PKP4: variants seen among roughly 807,000 people sequenced by gnomAD.
PKP4 encodes plakophilin-4.
PKP4 carries 90 observed loss-of-function variants against 145.1 expected under a neutral mutation model. The ratio of observed to expected loss-of-function variants is 0.62; its 90% CI spans 0.52 to 0.74. The LOEUF (loss-of-function observed/expected upper bound fraction) is 0.74. PKP4 is among the 30% of genes least tolerant of loss of function. The pLI, the probability that PKP4 is intolerant of heterozygous loss-of-function variation, is 0.00. For missense variants in PKP4, 1,340 were observed against 1,482.7 expected (o/e 0.90, Z 1.58); for synonymous variants, 563 against 577.2 (o/e 0.98, Z 0.35).
intron 1 of PKP4, among the ~76,000 whole-genome samples, chr2:158,482,313 CCCTT>C (rs1344985060): frequency 3.3e-5 from 5 of 152,216 alleles, no homozygotes; most frequent in African/African-American, 9.6e-5. Context: ...TCCATTCTTT[CCCTT>C]CCTTCCTTCC....
intron 1 of PKP4, among the ~76,000 whole-genome samples, chr2:158,492,285 CT>C (rs1183800395): frequency 3.9e-5 from 6 of 152,172 alleles, no homozygotes; most frequent in South Asian, 4.1e-4. Context: ...CACCTTCCCC[CT>C]GTTCAGATAT....
chr2:158,621,572 C>T, intron 6 of PKP4, 151 bp downstream of exon 6: 1 of 611,494 alleles, frequency 1.6e-6, no homozygotes, highest in Non-Finnish European at 2.9e-6. Flanking sequence ...ATGGCGAAAC[C>T]CCGTCTCTAC....
In PKP4 at chr2:158,631,958, T is replaced by C. The variant is rs368755486; in HGVS notation, c.1342+17T>C. ...CAGGTTCAGGTGGGCATCAACTCTG[T>C]TTACTGGTTTCCTGATTTCATAGGC... On this transcript the variant is annotated intron_variant, in intron 8 of 21. Transcript: ENST00000389759. The C allele has an allele frequency of 1.2e-6, 2 of 1,610,206 alleles. No individual in the cohort carries two copies. The highest frequency in any genetic ancestry group is 2.7e-5 in the African/African-American group (2 of 74,806).
At position 158,631,758 on chromosome 2, in the gene PKP4, C is replaced by T. The variant is rs201082265; in HGVS notation, c.1159C>T (p.Arg387Trp). ...TGTAATTTTTGTGCCTCTAGGCTTA[C>T]GGAGTTCCTATGCTAGTCAGCATAG... Reference protein sequence around the residue: ...PPRPDSLTGLRSSYASQHSQL... With the variant: ...PPRPDSLTGLWSSYASQHSQL... The change falls in exon 8 of 22, where the codon CGG (arginine) becomes TGG (tryptophan). Residue 387 changes from arginine (R) to tryptophan (W), a missense_variant. Physicochemically the swap from Arg to Trp is moderately radical, Grantham distance 101. Transcript: ENST00000389759. The T allele has an allele frequency of 5.6e-6, 9 of 1,613,638 alleles. No homozygotes were observed. The highest frequency in any genetic ancestry group is 6.8e-6 in the Non-Finnish European group (8 of 1,179,616).
chr2:158,665,357 G>A (rs538866178), intron 15 of PKP4, among the ~76,000 whole-genome samples: 3 of 152,154 alleles, frequency 2.0e-5, no homozygotes, highest in Non-Finnish European at 4.4e-5. Context: ...AAAAATAGGA[G>A]TATGCATTTC....
At chr2:158,546,189 A>G (rs1258642694) in intron 2 of PKP4, among the ~76,000 whole-genome samples, 8 of 152,236 alleles carry the variant, frequency 5.3e-5, no homozygotes. Context: ...AATAAAATGA[A>G]AAAGACTGAT....
chr2:158,542,420 T>C (rs548893561), intron 2 of PKP4, among the ~76,000 whole-genome samples: 3 of 152,180 alleles, frequency 2.0e-5, no homozygotes, highest in African/African-American at 7.2e-5. Context: ...TAGGTAAGAT[T>C]ATGAAAAATA....
chr2:158,531,332 T>G (rs2043525867), intron 1 of PKP4, among the ~76,000 whole-genome samples: 1 of 152,196 alleles, frequency 6.6e-6, no homozygotes, highest in Non-Finnish European at 1.5e-5. Flanking sequence ...ACTCTTGACA[T>G]TTAAAATTTT....
At chr2:158,550,143 A>ATTCTATTATATTCTATTTAT in intron 2 of PKP4, among the ~76,000 whole-genome samples, 1 of 147,046 alleles carries the variant, frequency 6.8e-6, no homozygotes, top group Non-Finnish European at 1.5e-5. Flanking sequence ...TGCCAAGAAG[A>ATTCTATTATATTCTATTTAT]AGTTAAACAA....
At position 158,491,053 on chromosome 2, in the gene PKP4, TC is replaced by T. The variant is rs528168910; in HGVS notation, c.-6+33836del. Among the ~76,000 whole-genome samples, 23 of 152,334 alleles carry T rather than the reference TC, an allele frequency of 1.5e-4. No homozygotes were observed. The South Asian group carries it at 4.8e-3, about 32-fold the overall frequency. On this transcript the variant is annotated intron_variant, in intron 1 of 21. Transcript: ENST00000389759. ...GTTATTCTCATTCAGTTAATATTTT[TC>T]ACTTAGTTTATTTTAAAGATATGTG...
intron 2 of PKP4, among the ~76,000 whole-genome samples, chr2:158,561,594 T>G (rs2046519073): frequency 6.6e-6 from 1 of 152,220 alleles, no homozygotes; most frequent in Non-Finnish European, 1.5e-5. Flanking sequence ...TCCAATTCCC[T>G]GACTTCCTTG....
intron 2 of PKP4, among the ~76,000 whole-genome samples, chr2:158,549,449 C>T (rs2045397223): frequency 6.6e-6 from 1 of 152,002 alleles, no homozygotes; most frequent in Non-Finnish European, 1.5e-5. Flanking sequence ...TGGCCCTTCA[C>T]CTACGCCCCT....
chr2:158,650,845 C>A (rs542058748), intron 11 of PKP4, among the ~76,000 whole-genome samples: 2 of 152,356 alleles, frequency 1.3e-5, no homozygotes, highest in South Asian at 4.1e-4. Flanking sequence ...TGTCCACCAC[C>A]TGCAGTGCTC....
intron 1 of PKP4, among the ~76,000 whole-genome samples, chr2:158,497,696 A>G (rs1695942544): frequency 6.6e-6 from 1 of 152,144 alleles, no homozygotes; most frequent in African/African-American, 2.4e-5. Context: ...ATAATGTGTA[A>G]CTCAGTTTTG....
intron 16 of PKP4, chr2:158,669,472 C>T: frequency 3.1e-6 from 1 of 327,748 alleles, no homozygotes; most frequent in South Asian, 1.5e-4. Flanking sequence ...TTTACATTTG[C>T]TTTCAGCAAT....
chr2:158,676,623 G>T (rs530338054), intron 19 of PKP4, 116 bp from the exon 20 acceptor site: 3 of 1,234,742 alleles, frequency 2.4e-6, no homozygotes, highest in Admixed American at 1.7e-5. Context: ...TTCAGCACCA[G>T]CTGTGTGTCA....
At chr2:158,493,982 A>C (rs1695323209) in intron 1 of PKP4, among the ~76,000 whole-genome samples, 1 of 152,210 alleles carries the variant, frequency 6.6e-6, no homozygotes, top group Admixed American at 6.5e-5. Context: ...CCAGGGGTGC[A>C]AAATTCATTT....
chr2:158,571,970 A>G (rs1226428297), intron 2 of PKP4, among the ~76,000 whole-genome samples: 1 of 152,228 alleles, frequency 6.6e-6, no homozygotes, highest in Non-Finnish European at 1.5e-5. Flanking sequence ...CAGTATCCTA[A>G]TACTTCTGTT....
intron 3 of PKP4, among the ~76,000 whole-genome samples, chr2:158,596,770 T>C (rs1279825697): frequency 6.6e-6 from 1 of 152,060 alleles, no homozygotes; most frequent in South Asian, 2.1e-4. Context: ...GGGGGAGAAA[T>C]GTCAGATTTC....
Sources: allele counts gnomAD v4.1 joint callset (sites outside exome capture counted in the v4.1 genomes callset), GRCh38; gene constraint gnomAD v4.1.1; transcripts MANE v1.5; gene names NCBI Gene and HGNC (gene_info 2026-07-23, HGNC 2026-07-21).